The following RALGPS1 variants were observed in gnomAD, a reference collection of about 807,000 sequenced individuals.
The protein encoded by RALGPS1 is ras-specific guanine nucleotide-releasing factor RalGPS1.
A neutral mutation model predicts 78.8 loss-of-function variants in RALGPS1; 19 were observed. The ratio of observed to expected loss-of-function variants is 0.24; its 90% CI spans 0.17 to 0.35. The LOEUF is 0.35. RALGPS1 is among the 10% of genes least tolerant of loss of function. RALGPS1 has a pLI of 1.00. For synonymous variants in RALGPS1, 228 were observed against 256.3 expected (o/e 0.89, Z 1.06); for missense variants, 454 against 688.3 (o/e 0.66, Z 3.81).
chr9:127,083,816 A>G (rs10987558), intron 8 of RALGPS1, among the ~76,000 whole-genome samples: 3,340 of 152,290 alleles, frequency 0.022, 62 homozygotes, highest in Middle Eastern at 0.041. Context: ...TCCTCATTCC[A>G]GACAGTCCAG....
intron 8 of RALGPS1, among the ~76,000 whole-genome samples, chr9:127,097,274 T>A (rs11790344): frequency 0.036 from 5,467 of 152,352 alleles, 138 homozygotes; most frequent in Middle Eastern, 0.085. Flanking sequence ...TTTCTTTTTT[T>A]AAAAAAGGCA....
At chr9:127,108,303 G>A (rs765937887) in intron 8 of RALGPS1, 17 of 1,613,780 alleles carry the variant, frequency 1.1e-5, no homozygotes, top group East Asian at 2.2e-5. Flanking sequence ...GGATGATCTC[G>A]TGCAGGAGCT....
chr9:127,117,452 C>T (rs965403634), intron 8 of RALGPS1, among the ~76,000 whole-genome samples: 15 of 152,236 alleles, frequency 9.9e-5, no homozygotes, highest in Non-Finnish European at 1.6e-4. Flanking sequence ...ACTGTGCCAG[C>T]GGCTGGAGGT....
chr9:127,204,019 G>T (rs1483218563), intron 14 of RALGPS1, among the ~76,000 whole-genome samples: 1 of 152,148 alleles, frequency 6.6e-6, no homozygotes, highest in Admixed American at 6.5e-5. Context: ...CCATGCGGGG[G>T]GACCTGAAGT....
At chr9:126,982,928 C>CTTCTTCTT (rs2041440899) in intron 4 of RALGPS1, among the ~76,000 whole-genome samples, 2 of 34,594 alleles carry the variant, frequency 5.8e-5, no homozygotes, top group South Asian at 1.7e-3. Flanking sequence ...TCTTCTTCTT[C>CTTCTTCTT]TTTTTTTTTT....
At chr9:126,935,711 A>G (rs2036193278) in intron 1 of RALGPS1, among the ~76,000 whole-genome samples, 2 of 152,232 alleles carry the variant, frequency 1.3e-5, no homozygotes, top group African/African-American at 4.8e-5. Flanking sequence ...GCTAGAAACA[A>G]CCAGTCTTGG....
chr9:127,207,734 G>C (rs2062012256), intron 14 of RALGPS1, among the ~76,000 whole-genome samples: 1 of 152,104 alleles, frequency 6.6e-6, no homozygotes, highest in South Asian at 2.1e-4. Flanking sequence ...TCCTCCTCCA[G>C]CTCTGGAGGA....
Position 127,218,866 on chromosome 9 carries a change from T to C in RALGPS1, c.*97T>C. On this transcript the variant is annotated 3_prime_UTR_variant, in exon 19 of 19. Coordinates refer to ENST00000259351, the MANE Select transcript of RALGPS1 (RefSeq NM_014636.3). This position sits in a 1 kb window ranked among gnomAD's most constrained non-coding sequence, Gnocchi z 4.4. The stretch of plus-strand genomic sequence containing the variant: ...CCTGGGCACAGGCTGTGAGCCAGGG[T>C]GCTGGGAAACTCACAGCTGGACTCA... The C allele has an allele frequency of 2.8e-6, 4 of 1,414,522 alleles. No homozygotes were observed. The highest frequency in any genetic ancestry group is 4.0e-6 in the Non-Finnish European group (4 of 999,632). 87.6% of individuals were successfully genotyped at this position (1,414,522 alleles called of 1,614,324 possible).
At position 127,044,100 on chromosome 9, in the gene RALGPS1, A is replaced by G. The variant is rs199751674; in HGVS notation, c.301-5943A>G. On this transcript the variant is annotated intron_variant, in intron 5 of 18. Coordinates refer to ENST00000259351, the MANE Select transcript of RALGPS1 (RefSeq NM_014636.3). Reference sequence around the variant, plus strand: ...GCACACAAATGTTTATAGCAGCTTTATTCATAGTTGTTGAAAATCAGAAGT... The same window carrying G: ...GCACACAAATGTTTATAGCAGCTTTGTTCATAGTTGTTGAAAATCAGAAGT... 4.6e-5 allele frequency among the ~76,000 whole-genome samples: 7 copies of G among 152,358 alleles called. No individual in the cohort carries two copies. The East Asian group carries it at 1.3e-3, about 29-fold the overall frequency.
At chr9:127,086,457 C>T (rs2051756410) in intron 8 of RALGPS1, among the ~76,000 whole-genome samples, 1 of 152,168 alleles carries the variant, frequency 6.6e-6, no homozygotes, top group South Asian at 2.1e-4. Flanking sequence ...TATAGCACCT[C>T]TCTGATTACT....
intron 8 of RALGPS1, among the ~76,000 whole-genome samples, chr9:127,141,294 A>G (rs925906182): frequency 3.3e-5 from 5 of 152,194 alleles, no homozygotes; most frequent in Non-Finnish European, 7.3e-5. Context: ...AGAGGGAAGA[A>G]GTAAATTCAA....
At chr9:127,033,091 T>C (rs1476836740) in intron 4 of RALGPS1, among the ~76,000 whole-genome samples, 1 of 152,178 alleles carries the variant, frequency 6.6e-6, no homozygotes, top group South Asian at 2.1e-4. Context: ...CACCAGTGAA[T>C]TCTGTTGTCA....
At chr9:127,180,923 GC>G (rs911519821) in intron 11 of RALGPS1, among the ~76,000 whole-genome samples, 1 of 152,338 alleles carries the variant, frequency 6.6e-6, no homozygotes, top group East Asian at 1.9e-4. Context: ...CTTACCTGTG[GC>G]CCCCCACTGT....
intron 3 of RALGPS1, among the ~76,000 whole-genome samples, chr9:126,975,559 T>C (rs2040527055): frequency 6.6e-6 from 1 of 152,218 alleles, no homozygotes; most frequent in East Asian, 1.9e-4. Context: ...ATCTCCTGTC[T>C]TTACAAGGCC....
intron 4 of RALGPS1, among the ~76,000 whole-genome samples, chr9:126,995,150 A>G (rs374579644): frequency 6.6e-6 from 1 of 152,260 alleles, no homozygotes; most frequent in Non-Finnish European, 1.5e-5. Context: ...AGCTAACATC[A>G]TAATGACAGG....
At chr9:127,185,119 C>T (rs755739222) in intron 11 of RALGPS1, among the ~76,000 whole-genome samples, 12 of 152,152 alleles carry the variant, frequency 7.9e-5, no homozygotes, top group Non-Finnish European at 1.5e-4. Context: ...ACCACTCCAC[C>T]GACGGTCACC....
At position 126,982,928 on chromosome 9, in the gene RALGPS1, C is replaced by CTTTT. The variant is rs71377984; in HGVS notation, c.216+5205_216+5208dup. On this transcript the variant is annotated intron_variant, in intron 4 of 18. Coordinates refer to ENST00000259351, the MANE Select transcript of RALGPS1 (RefSeq NM_014636.3). Reference sequence around the variant, plus strand: ...TCTTCTTCTTCTTCTTCTTCTTCTTCTTTTTTTTTTTTTTTTTTTTTTTTT... The same window carrying CTTTT: ...TCTTCTTCTTCTTCTTCTTCTTCTTCTTTTTTTTTTTTTTTTTTTTTTTTTTTTT... Among the ~76,000 whole-genome samples, 61 of 34,594 alleles carry CTTTT rather than the reference C, an allele frequency of 1.8e-3. 1 individual carries two copies. Among genetic ancestry groups the CTTTT allele is most frequent in the African/African-American group, 2.5e-3 (34 of 13,352 alleles). The allele number at this position is 34,594 out of a possible 152,430, so 22.7% of individuals were successfully genotyped here. A position where few individuals can be genotyped will look rare whatever the true frequency, so the allele number is the denominator to read the frequency against.
chr9:126,924,877 G>A (rs2035117569), intron 1 of RALGPS1, among the ~76,000 whole-genome samples: 1 of 152,232 alleles, frequency 6.6e-6, no homozygotes, highest in Non-Finnish European at 1.5e-5. Flanking sequence ...TGTAATCCCA[G>A]CACTTTGGGA....
chr9:126,974,696 A>G (rs1368226267), intron 3 of RALGPS1, among the ~76,000 whole-genome samples: 1 of 152,182 alleles, frequency 6.6e-6, no homozygotes, highest in Non-Finnish European at 1.5e-5. Context: ...TTATTTCTCA[A>G]AATAAGGATA....
Sources: allele counts gnomAD v4.1 joint callset (sites outside exome capture counted in the v4.1 genomes callset), GRCh38; gene constraint gnomAD v4.1.1; non-coding constraint Gnocchi (gnomAD v3.1); transcripts MANE v1.5; gene names NCBI Gene and HGNC (gene_info 2026-07-23, HGNC 2026-07-21).